The following MAPK10 variants were observed in gnomAD, a reference collection of about 807,000 sequenced individuals.
MAPK10 encodes the protein JNK3 alpha protein kinase.
A neutral mutation model predicts 59.3 loss-of-function variants in MAPK10; 25 were observed. That is an observed-to-expected ratio of 0.42 (90% CI 0.31 to 0.59). The LOEUF (loss-of-function observed/expected upper bound fraction) is 0.59, where lower values mean the gene tolerates loss of function less well. Ranked by LOEUF, MAPK10 falls within the 20% of genes least tolerant of loss-of-function variation. The probability of loss-of-function intolerance (pLI) is 0.15; values close to 1 mark genes in which losing one functional copy is unlikely to be tolerated. For missense variants in MAPK10, 351 were observed against 568.9 expected (o/e 0.62, Z 3.90); for synonymous variants, 190 against 200.5 (o/e 0.95, Z 0.44).
intron 1 of MAPK10, among the ~76,000 whole-genome samples, chr4:86,493,450 T>C (rs77390816): frequency 0.048 from 7,369 of 152,312 alleles, 239 homozygotes; most frequent in African/African-American, 0.061. Flanking sequence ...TCCTTTTCTT[T>C]ATTGCATTTC....
At chr4:86,133,337 G>T (rs2149146090) in intron 4 of MAPK10, among the ~76,000 whole-genome samples, 1 of 152,062 alleles carries the variant, frequency 6.6e-6, no homozygotes, top group East Asian at 1.9e-4. Context: ...ATGATTCTGT[G>T]GTATTTATCA....
chr4:86,059,802 A>G (rs552983043), intron 11 of MAPK10, among the ~76,000 whole-genome samples: 8 of 152,208 alleles, frequency 5.3e-5, no homozygotes, highest in African/African-American at 1.9e-4. Context: ...TGTGGTCTAC[A>G]TTATAGCTGG....
chr4:86,338,629 G>A (rs533368996), intron 2 of MAPK10, among the ~76,000 whole-genome samples: 5 of 152,210 alleles, frequency 3.3e-5, no homozygotes, highest in East Asian at 3.9e-4. Flanking sequence ...TTTCTTGTAC[G>A]TGCAAGCCCT....
At chr4:86,548,335 C>T (rs767631885) in intron 1 of MAPK10, among the ~76,000 whole-genome samples, 3 of 152,104 alleles carry the variant, frequency 2.0e-5, no homozygotes, top group Non-Finnish European at 2.9e-5. Flanking sequence ...AACATCAGAA[C>T]GAACAAACTC....
intron 4 of MAPK10, among the ~76,000 whole-genome samples, chr4:86,126,648 G>A (rs1006079304): frequency 6.6e-6 from 1 of 151,926 alleles, no homozygotes; most frequent in Non-Finnish European, 1.5e-5. Context: ...TTTTCCCAAA[G>A]GTCCTAACAT....
rs77118779 is a variant in MAPK10 at position 86,421,686 on chromosome 4, C to T, written c.-122+31344G>A. The stretch of plus-strand genomic sequence containing the variant: ...GCGGTGCAGTAAGGAAGAACCTGGG[C>T]GCTGGAGCAGAATGGCTGTGGGCAG... On this transcript the variant is annotated intron_variant, in intron 1 of 13. Coordinates refer to the MAPK10 transcript ENST00000361569. Among the ~76,000 whole-genome samples, 1,018 of 152,194 alleles carry T rather than the reference C, an allele frequency of 6.7e-3. 12 individuals are homozygous for T. The highest frequency in any genetic ancestry group is 0.024 in the African/African-American group (981 of 41,516).
chr4:86,154,708 A>T (rs554034141), intron 4 of MAPK10, among the ~76,000 whole-genome samples: 2 of 152,228 alleles, frequency 1.3e-5, no homozygotes, highest in African/African-American at 4.8e-5. Context: ...CTAGATTCTG[A>T]AAGACTGAAA....
intron 1 of MAPK10, among the ~76,000 whole-genome samples, chr4:86,418,367 G>A (rs1746107633): frequency 6.6e-6 from 1 of 151,986 alleles, no homozygotes; most frequent in East Asian, 1.9e-4. Flanking sequence ...TTTTTTTCCA[G>A]TGCCACAGAA....
intron 3 of MAPK10, among the ~76,000 whole-genome samples, chr4:86,191,356 C>A (rs1014909549): frequency 3.9e-5 from 6 of 151,998 alleles, no homozygotes; most frequent in African/African-American, 1.4e-4. Flanking sequence ...GTTAAATTCT[C>A]CCACTATTAT....
chr4:86,546,732 G>GA (rs2149097628), intron 1 of MAPK10, among the ~76,000 whole-genome samples: 1 of 152,236 alleles, frequency 6.6e-6, no homozygotes, highest in African/African-American at 2.4e-5. Flanking sequence ...GCTTGGAGGG[G>GA]AAAATCCCAG....
In MAPK10 at chr4:86,016,905, C is replaced by A; in HGVS notation, c.*323G>T. On this transcript the variant is annotated 3_prime_UTR_variant, in exon 14 of 14. Coordinates refer to ENST00000641462, the MANE Select transcript of MAPK10 (RefSeq NM_138982.4). ...CATTTAAAAGGGCAGTTACAGGTTG[C>A]CGGTTTTGCAGCCATTAAAATTACA... is the stretch of plus-strand genomic sequence containing the variant. The A allele has an allele frequency of 4.2e-6, 1 of 235,938 alleles. No individual in the cohort carries two copies. The highest frequency in any genetic ancestry group is 8.5e-6 in the Non-Finnish European group (1 of 117,998). 14.6% of individuals were successfully genotyped at this position (235,938 alleles called of 1,614,324 possible). A position where few individuals can be genotyped will look rare whatever the true frequency, so the allele number is the denominator to read the frequency against.
At chr4:86,027,293 A>C (rs1578750893) in intron 13 of MAPK10, 1 of 152,346 alleles carries the variant, frequency 6.6e-6, no homozygotes, top group East Asian at 1.9e-4. Flanking sequence ...TTAATTGTTA[A>C]GGTAGTTGGA....
chr4:86,583,166 A>G (rs1277075995), intron 1 of MAPK10, among the ~76,000 whole-genome samples: 1 of 152,044 alleles, frequency 6.6e-6, no homozygotes, highest in African/African-American at 2.4e-5. Flanking sequence ...TACCTAAGTA[A>G]ACTAACATAT....
intron 2 of MAPK10, among the ~76,000 whole-genome samples, chr4:86,288,957 T>C (rs1262672580): frequency 6.8e-6 from 1 of 147,988 alleles, no homozygotes; most frequent in Non-Finnish European, 1.5e-5. Flanking sequence ...TTGCCCTAAA[T>C]AGGCAACAGA....
intron 2 of MAPK10, among the ~76,000 whole-genome samples, chr4:86,250,971 T>G (rs1222217559): frequency 2.0e-5 from 3 of 152,062 alleles, no homozygotes; most frequent in African/African-American, 7.2e-5. Flanking sequence ...TTGAACCAAC[T>G]AGCCAATAAT....
chr4:86,223,158 A>G (rs189702381), intron 2 of MAPK10, among the ~76,000 whole-genome samples: 1 of 152,276 alleles, frequency 6.6e-6, no homozygotes, highest in Admixed American at 6.5e-5. Context: ...CTTACTTTTT[A>G]CCAAATTTTA....
At chr4:86,504,042 A>G (rs1342679375) in intron 1 of MAPK10, among the ~76,000 whole-genome samples, 4 of 152,234 alleles carry the variant, frequency 2.6e-5, no homozygotes, top group African/African-American at 4.8e-5. Context: ...TCTCTCTCCA[A>G]TCTATCAAAG....
chr4:86,433,568 T>C (rs1417079159), intron 1 of MAPK10, among the ~76,000 whole-genome samples: 1 of 145,616 alleles, frequency 6.9e-6, no homozygotes, highest in Non-Finnish European at 1.5e-5. Flanking sequence ...TTTTTTTTTT[T>C]TTTTTTTTTT....
chr4:86,508,065 C>A (rs1359194189), intron 1 of MAPK10, among the ~76,000 whole-genome samples: 1 of 151,994 alleles, frequency 6.6e-6, no homozygotes, highest in Non-Finnish European at 1.5e-5. Context: ...AAAAAGAAAA[C>A]ATTGTCTTCT....
Sources: allele counts gnomAD v4.1 joint callset (sites outside exome capture counted in the v4.1 genomes callset), GRCh38; gene constraint gnomAD v4.1.1; transcripts MANE v1.5; gene names NCBI Gene and HGNC (gene_info 2026-07-23, HGNC 2026-07-21).